Variants in MON1B observed in about 807,000 individuals in gnomAD.
The protein encoded by MON1B is MON1 vesicular trafficking associated B.
A neutral mutation model predicts 45.1 loss-of-function variants in MON1B; 26 were observed. That is an observed-to-expected ratio of 0.58 (90% CI 0.42 to 0.80). MON1B has a LOEUF of 0.80. Among genes scored for constraint, MON1B ranks in the 30% least tolerant of loss-of-function variants. The pLI is 0.00. For missense variants in MON1B, 737 were observed against 754.5 expected (o/e 0.98, Z 0.27); for synonymous variants, 395 against 320.2 (o/e 1.23, Z -2.49).
chr16:77,192,784 T>A (rs993843007), intron 2 of MON1B, among the ~76,000 whole-genome samples: 1 of 152,082 alleles, frequency 6.6e-6, no homozygotes, highest in Non-Finnish European at 1.5e-5. Context: ...TTAATGATTG[T>A]TAATGTGGGG....
rs758517858 is a variant in MON1B at position 77,193,421 on chromosome 16, G to A, written c.149-30G>A. On this transcript the variant is annotated intron_variant, in intron 2 of 5. Transcript: ENST00000248248. The surrounding 1 kb of genome is among the most constrained non-coding windows in gnomAD (Gnocchi z 5.0). ...TGTGGGATTAGTTAGGAGTTCACAT[G>A]CAGATGACCCACCAGGGGCTCCCTT... 1.3e-6 allele frequency: 2 copies of A among 1,525,450 alleles called. No homozygotes were observed. The highest frequency in any genetic ancestry group is 1.8e-6 in the Non-Finnish European group (2 of 1,135,380). 94.5% of individuals were successfully genotyped at this position (1,525,450 alleles called of 1,614,324 possible). A position where few individuals can be genotyped will look rare whatever the true frequency, so the allele number is the denominator to read the frequency against.
chr16:77,199,202 C>A lies in MON1B; in HGVS notation c.*894C>A. 6 of 504,818 alleles carry A rather than the reference C, an allele frequency of 1.2e-5. No homozygotes were observed. Among genetic ancestry groups the A allele is most frequent in the Non-Finnish European group, 2.1e-5 (6 of 283,502 alleles). The allele number at this position is 504,818 out of a possible 1,614,324, so 31.3% of individuals were successfully genotyped here. On this transcript the variant is annotated 3_prime_UTR_variant, in exon 6 of 6. Transcript: ENST00000248248. ...TAGGGTTTTGTGTGTGTGCACACTA[C>A]CCTCACTCCCCAACTGGCCATTACC... is the stretch of plus-strand genomic sequence containing the variant.
In MON1B at chr16:77,194,540, C is replaced by T. The variant is rs1235677833; in HGVS notation, c.681C>T (p.Arg227=). 1.9e-6 allele frequency: 3 copies of T among 1,614,070 alleles called. No individual in the cohort carries two copies. The highest frequency in any genetic ancestry group is 2.5e-6 in the Non-Finnish European group (3 of 1,180,038). The change falls in exon 4 of 6, where the codon CGC becomes CGT. Residue 227 remains arginine (R), a synonymous_variant. Coordinates refer to ENST00000248248, the MANE Select transcript of MON1B (RefSeq NM_014940.4). This position sits in a 1 kb window ranked among gnomAD's most constrained non-coding sequence, Gnocchi z 8.1. ...GCCGCCTGCTGGCTGGTTCAGAGCG[C>T]ACACTGGACCGACTTCTGGACAGTA... ...DLRRLLAGSE[R]TLDRLLDSME... is the part of the protein sequence containing the mutation.
rs2054739579 is a variant in MON1B, at chr16:77,201,268, T to G, written c.*2960T>G. ...AAAAGACAGACGGAAATAAGACAGA[T>G]GCAAATAGATCTCATTTATTAACTG... On this transcript the variant is annotated 3_prime_UTR_variant, in exon 6 of 6. Coordinates refer to ENST00000248248, the MANE Select transcript of MON1B (RefSeq NM_014940.4). 1 of 152,176 alleles carries G rather than the reference T, an allele frequency of 6.6e-6. No homozygotes were observed. Among genetic ancestry groups the G allele is most frequent in the African/African-American group, 2.4e-5 (1 of 41,438 alleles). The allele number at this position is 152,176 out of a possible 1,614,324, so 9.4% of individuals were successfully genotyped here.
At position 77,191,206 on chromosome 16, in the gene MON1B, C is replaced by A; in HGVS notation, c.-63C>A. The A allele has an allele frequency of 6.5e-7, 1 of 1,536,126 alleles. No individual in the cohort carries two copies. The highest frequency in any genetic ancestry group is 2.4e-5 in the East Asian group (1 of 40,908). On this transcript the variant is annotated 5_prime_UTR_variant, in exon 1 of 6. Transcript: ENST00000248248. ...CGCACCCGGAAGTGTGATGCCACCG[C>A]CGCTACGGGGAAGTAATGGTATCCG... is the stretch of plus-strand genomic sequence containing the variant.
rs556663469 is a variant in MON1B, at chr16:77,200,533, G to T, written c.*2225G>T. 6.6e-6 allele frequency: 1 copy of T among 151,082 alleles called. No individual in the cohort carries two copies. The highest frequency in any genetic ancestry group is 1.5e-5 in the Non-Finnish European group (1 of 67,774). The allele number at this position is 151,082 out of a possible 1,614,324, so 9.4% of individuals were successfully genotyped here. ...CACTTTGGAAGGCCGAGGCGGGTGG[G>T]TCACCTGAGGTCAGGAGTTTGAGAC... On this transcript the variant is annotated 3_prime_UTR_variant, in exon 6 of 6. Transcript: ENST00000248248.
Position 77,194,553 on chromosome 16 carries a change from C to A in MON1B, c.694C>A (p.Leu232Ile), listed in dbSNP as rs761053932. ...TGGTTCAGAGCGCACACTGGACCGA[C>A]TTCTGGACAGTATGGAGCAGGACCC... ...LAGSERTLDR[L>I]LDSMEQDPGA... The change falls in exon 4 of 6, where the codon CTT becomes ATT. Residue 232 changes from leucine to isoleucine, a missense_variant. Leu to Ile is a conservative substitution (Grantham distance 5). Transcript: ENST00000248248. The surrounding 1 kb of genome is among the most constrained non-coding windows in gnomAD (Gnocchi z 8.1). 1 of 1,614,090 alleles carries A rather than the reference C, an allele frequency of 6.2e-7. No individual in the cohort carries two copies. Among genetic ancestry groups the A allele is most frequent in the Non-Finnish European group, 8.5e-7 (1 of 1,180,038 alleles).
intron 5 of MON1B, among the ~76,000 whole-genome samples, chr16:77,197,588 C>T (rs1365999525): frequency 1.3e-5 from 2 of 151,974 alleles, no homozygotes; most frequent in Non-Finnish European, 2.9e-5. Context: ...CCAAGCCTGG[C>T]TATGTTTGAG....
rs200885029 is a variant in MON1B at position 77,200,268 on chromosome 16, A to ATATG, written c.*1962_*1965dup. The stretch of plus-strand genomic sequence containing the variant: ...TATATGTATATGTGTATATATATAT[A>ATATG]TATGTGTATATATATATATATATAC... On this transcript the variant is annotated 3_prime_UTR_variant, in exon 6 of 6. Transcript: ENST00000248248. 1 of 103,484 alleles carries ATATG rather than the reference A, an allele frequency of 9.7e-6. No homozygotes were observed. Among genetic ancestry groups the ATATG allele is most frequent in the Non-Finnish European group, 2.1e-5 (1 of 46,718 alleles). The allele number at this position is 103,484 out of a possible 1,614,324, so 6.4% of individuals were successfully genotyped here.
At chr16:77,195,851 C>G (rs1450692784) in intron 5 of MON1B, among the ~76,000 whole-genome samples, 169 bp downstream of exon 5, 1 of 152,226 alleles carries the variant, frequency 6.6e-6, no homozygotes, top group Non-Finnish European at 1.5e-5. Context: ...TTTGAAGCCC[C>G]TGACAACTAA....
chr16:77,193,824 A>G lies in MON1B; in HGVS notation c.475+47A>G, dbSNP rs746540801. 3.3e-5 allele frequency: 51 copies of G among 1,560,704 alleles called. No homozygotes were observed. The South Asian group carries it at 5.9e-4, about 18-fold the overall frequency. On this transcript the variant is annotated intron_variant, in intron 3 of 5. Coordinates refer to ENST00000248248, the MANE Select transcript of MON1B (RefSeq NM_014940.4). The surrounding 1 kb of genome is among the most constrained non-coding windows in gnomAD (Gnocchi z 5.0). ...AGAATGGGGGACAGTGACTGGGAATATGGCTGGCACGGGTAGGTCTGTCTG... is the reference window on the plus strand; with the variant it reads ...AGAATGGGGGACAGTGACTGGGAATGTGGCTGGCACGGGTAGGTCTGTCTG...
Position 77,195,609 on chromosome 16 carries a change from C to G in MON1B, c.1370C>G (p.Ala457Gly). The change falls in exon 5 of 6, where the codon GCT (alanine) becomes GGT (glycine). Residue 457 changes from alanine to glycine, a missense_variant. Physicochemically the swap from Ala to Gly is moderately conservative, Grantham distance 60 (BLOSUM62 0). Coordinates refer to ENST00000248248, the MANE Select transcript of MON1B (RefSeq NM_014940.4). The stretch of plus-strand genomic sequence containing the variant: ...TCGGACCTGTACCACCGCCTGCATG[C>G]TCGTCTCCACAGCACCTCCCGACCC... ...RLSDLYHRLHARLHSTSRPLR... is the reference protein window; with the variant it reads ...RLSDLYHRLHGRLHSTSRPLR... 1.2e-6 allele frequency: 2 copies of G among 1,614,182 alleles called. No homozygotes were observed. The highest frequency in any genetic ancestry group is 1.7e-6 in the Non-Finnish European group (2 of 1,180,018).
At chr16:77,195,762 G>A (rs906218827) in intron 5 of MON1B, 80 bp downstream of exon 5, 8 of 1,536,270 alleles carry the variant, frequency 5.2e-6, no homozygotes, top group South Asian at 1.2e-5. Context: ...TCCAGCCACA[G>A]TGCCTCCACC....
At position 77,195,579 on chromosome 16, in the gene MON1B, G is replaced by A. The variant is rs1014171177; in HGVS notation, c.1340G>A (p.Arg447Gln). The change falls in exon 5 of 6, where the codon CGG becomes CAG. Residue 447 changes from arginine to glutamine, a missense_variant. By Grantham distance (43) the Arg-to-Gln change is conservative. Coordinates refer to ENST00000248248, the MANE Select transcript of MON1B (RefSeq NM_014940.4). ...APYSREEERQ[R>Q]LSDLYHRLHA... ...TACAGCAGAGAGGAGGAGCGGCAGC[G>A]GCTGTCGGACCTGTACCACCGCCTG... The A allele has an allele frequency of 2.5e-6, 4 of 1,613,810 alleles. No individual in the cohort carries two copies. Among genetic ancestry groups the A allele is most frequent in the South Asian group, 1.1e-5 (1 of 91,074 alleles).
Position 77,193,728 on chromosome 16 carries a change from G to A in MON1B, c.426G>A (p.Leu142=), listed in dbSNP as rs765082083. The A allele has an allele frequency of 1.2e-6, 2 of 1,613,998 alleles. No individual in the cohort carries two copies. The highest frequency in any genetic ancestry group is 1.7e-5 in the Admixed American group (1 of 60,012). The change falls in exon 3 of 6, where the codon CTG becomes CTA. Residue 142 remains leucine (L), a synonymous_variant. Transcript: ENST00000248248. The surrounding 1 kb of genome is among the most constrained non-coding windows in gnomAD (Gnocchi z 5.0). Reference sequence around the variant, plus strand: ...CTACCATGGGTGTAATGACCGCCCTGGTGTCCTTTGTGCAGAGTGCGGGAG... The same window carrying A: ...CTACCATGGGTGTAATGACCGCCCTAGTGTCCTTTGTGCAGAGTGCGGGAG... ...LSATMGVMTA[L]VSFVQSAGDA...
Position 77,201,995 on chromosome 16 carries a change from A to G in MON1B, c.*3687A>G, listed in dbSNP as rs145059567. 1.3e-5 allele frequency: 2 copies of G among 152,312 alleles called. No individual in the cohort carries two copies. Among genetic ancestry groups the G allele is most frequent in the South Asian group, 2.1e-4 (1 of 4,826 alleles). The allele number at this position is 152,312 out of a possible 1,614,324, so 9.4% of individuals were successfully genotyped here. A position where few individuals can be genotyped will look rare whatever the true frequency, so the allele number is the denominator to read the frequency against. On this transcript the variant is annotated 3_prime_UTR_variant, in exon 6 of 6. Transcript: ENST00000248248. ...AAAGGCCTAAGTGATAACTCTGGACAAGGAATTTGGATTTTGGGAGTAGTG... is the reference window on the plus strand; with the variant it reads ...AAAGGCCTAAGTGATAACTCTGGACGAGGAATTTGGATTTTGGGAGTAGTG...
Position 77,195,677 on chromosome 16 carries a change from G to C in MON1B, c.1438G>C (p.Ala480Pro). 1 of 1,614,098 alleles carries C rather than the reference G, an allele frequency of 6.2e-7. No individual in the cohort carries two copies. The highest frequency in any genetic ancestry group is 8.5e-7 in the Non-Finnish European group (1 of 1,179,990). Reference protein sequence around the residue: ...YHVAEKETLLAWVTSKFELYT... With the variant: ...YHVAEKETLLPWVTSKFELYT... Reference sequence around the variant, plus strand: ...CGTGGCTGAGAAGGAGACACTACTGGCCTGGGTAAGTTGGGCAGGGCTCTG... The same window carrying C: ...CGTGGCTGAGAAGGAGACACTACTGCCCTGGGTAAGTTGGGCAGGGCTCTG... The change falls in exon 5 of 6, where the codon GCC (alanine) becomes CCC (proline). Residue 480 changes from alanine (A) to proline (P), a missense_variant. By Grantham distance (27) the Ala-to-Pro change is conservative. Coordinates refer to ENST00000248248, the MANE Select transcript of MON1B (RefSeq NM_014940.4).
intron 2 of MON1B, 48 bp downstream of exon 2, chr16:77,191,681 C>G: frequency 1.9e-6 from 3 of 1,567,460 alleles, no homozygotes; most frequent in Non-Finnish European, 2.6e-6. Context: ...TAGGGGTTGT[C>G]ATTGTTGGAC....
intron 1 of MON1B, 81 bp downstream of exon 1, chr16:77,191,339 A>G (rs901954404): frequency 1.9e-6 from 3 of 1,552,532 alleles, no homozygotes; most frequent in African/African-American, 2.7e-5. Context: ...GTATTTGGGC[A>G]TGATTTTGGA....
Sources: allele counts gnomAD v4.1 joint callset (sites outside exome capture counted in the v4.1 genomes callset), GRCh38; gene constraint gnomAD v4.1.1; non-coding constraint Gnocchi (gnomAD v3.1); transcripts MANE v1.5; gene names NCBI Gene and HGNC (gene_info 2026-07-23, HGNC 2026-07-21).